PDCD1LG2: variants seen among roughly 807,000 people sequenced by gnomAD.
PDCD1LG2 encodes the protein B7 dendritic cell molecule.
A neutral mutation model predicts 28.2 loss-of-function variants in PDCD1LG2; 32 were observed. The ratio of observed to expected loss-of-function variants is 1.13; its 90% CI spans 0.86 to 1.52. PDCD1LG2 has a LOEUF of 1.52. Ranked by LOEUF, PDCD1LG2 falls within the 40% of genes most tolerant of loss-of-function variation. PDCD1LG2 has a pLI of 0.00. For synonymous variants in PDCD1LG2, 116 were observed against 120.2 expected, an observed-to-expected ratio of 0.97 and a Z score of 0.23; for missense variants, 385 against 323.8, an observed-to-expected ratio of 1.19 and a Z score of -1.45.
chr9:5,547,886 C>T (rs572448339), intron 3 of PDCD1LG2, among the ~76,000 whole-genome samples: 15 of 145,512 alleles, frequency 1.0e-4, no homozygotes, highest in Non-Finnish European at 1.2e-4. Flanking sequence ...TGCAGTGAGC[C>T]GAGATCACGC....
At position 5,516,704 on chromosome 9, in the gene PDCD1LG2, G is replaced by C. The variant is rs117287178; in HGVS notation, c.-14-5829G>C. Among the ~76,000 whole-genome samples, 1,278 of 152,322 alleles carry C rather than the reference G, an allele frequency of 8.4e-3. 10 individuals carry two copies. The highest frequency in any genetic ancestry group is 0.014 in the Non-Finnish European group (942 of 68,024). ...CAGCACCCAACATCTGGAAGAGGTC[G>C]AGGCAGCAGGGGGCTAGTGTGTCAG... On this transcript the variant is annotated intron_variant, in intron 1 of 6. Transcript: ENST00000397747.
Position 5,535,065 on chromosome 9 carries a change from G to A in PDCD1LG2, c.361+15G>A, listed in dbSNP as rs2129797049. 1 of 1,578,732 alleles carries A rather than the reference G, an allele frequency of 6.3e-7. No homozygotes were observed. Among genetic ancestry groups the A allele is most frequent in the Non-Finnish European group, 8.6e-7 (1 of 1,161,960 alleles). ...GAAAGTCAAAGGTGAGTGGTGTCAA[G>A]GACTAGAATCCATGGAAGCATCTCT... On this transcript the variant is annotated intron_variant, in intron 3 of 6. Coordinates refer to ENST00000397747, the MANE Select transcript of PDCD1LG2 (RefSeq NM_025239.4).
At chr9:5,551,187 G>C (rs572118509) in intron 4 of PDCD1LG2, among the ~76,000 whole-genome samples, 26 of 152,278 alleles carry the variant, frequency 1.7e-4, no homozygotes, top group African/African-American at 6.3e-4. Flanking sequence ...TTTGGGGAGA[G>C]CCATAATTTT....
chr9:5,525,717 G>C (rs540010994), intron 2 of PDCD1LG2, among the ~76,000 whole-genome samples: 207 of 152,084 alleles, frequency 1.4e-3, no homozygotes, highest in African/African-American at 4.9e-3. Context: ...TAAATATATT[G>C]CTTAAGCATA....
intron 1 of PDCD1LG2, among the ~76,000 whole-genome samples, chr9:5,520,481 AT>A (rs1273775763): frequency 6.6e-6 from 1 of 152,170 alleles, no homozygotes; most frequent in African/African-American, 2.4e-5. Context: ...AAGGCTCCAA[AT>A]TTGTTCTTTT....
intron 5 of PDCD1LG2, among the ~76,000 whole-genome samples, chr9:5,560,046 T>C (rs1200647859): frequency 6.6e-6 from 1 of 152,238 alleles, no homozygotes; most frequent in East Asian, 1.9e-4. Context: ...ATCAAGTCTT[T>C]CCTAATTCTA....
At chr9:5,553,508 G>A (rs914408460) in intron 4 of PDCD1LG2, among the ~76,000 whole-genome samples, 17 of 152,326 alleles carry the variant, frequency 1.1e-4, no homozygotes, top group African/African-American at 4.1e-4. Flanking sequence ...CAGGGAAACA[G>A]GGGCCTGTAT....
At chr9:5,522,706 G>A (rs1161363412) in intron 2 of PDCD1LG2, 105 bp downstream of exon 2, 19 of 948,380 alleles carry the variant, frequency 2.0e-5, no homozygotes, top group Non-Finnish European at 3.1e-5. Context: ...CTTTCTTTGA[G>A]AGGACGTATG....
At chr9:5,513,108 T>C (rs950765351) in intron 1 of PDCD1LG2, among the ~76,000 whole-genome samples, 3 of 152,218 alleles carry the variant, frequency 2.0e-5, no homozygotes, top group African/African-American at 7.2e-5. Flanking sequence ...TTTCAGATAC[T>C]CCTTTGGTAT....
At chr9:5,525,114 G>A (rs1047386969) in intron 2 of PDCD1LG2, among the ~76,000 whole-genome samples, 36 of 152,272 alleles carry the variant, frequency 2.4e-4, no homozygotes, top group African/African-American at 8.2e-4. Flanking sequence ...ATGGGAGGCC[G>A]AGGCGGGTGG....
chr9:5,542,700 G>A (rs963972791), intron 3 of PDCD1LG2, among the ~76,000 whole-genome samples: 3 of 152,164 alleles, frequency 2.0e-5, no homozygotes, highest in Non-Finnish European at 4.4e-5. Flanking sequence ...CATGGATGTG[G>A]TGAAAAGAAA....
At chr9:5,528,287 T>TATAC (rs1563823494) in intron 2 of PDCD1LG2, among the ~76,000 whole-genome samples, 1 of 147,388 alleles carries the variant, frequency 6.8e-6, no homozygotes, top group African/African-American at 2.5e-5. Flanking sequence ...TATATATATA[T>TATAC]ACACACACAC....
chr9:5,567,428 T>G (rs1354072551), intron 6 of PDCD1LG2, among the ~76,000 whole-genome samples: 1 of 152,252 alleles, frequency 6.6e-6, no homozygotes, highest in African/African-American at 2.4e-5. Context: ...GTGCTACTAT[T>G]TGGGCCTAGC....
At chr9:5,544,760 A>T (rs954120950) in intron 3 of PDCD1LG2, among the ~76,000 whole-genome samples, 2 of 152,188 alleles carry the variant, frequency 1.3e-5, no homozygotes. Context: ...ACTTGGAGAC[A>T]ATCTCCAAGT....
At chr9:5,531,350 A>T (rs924729337) in intron 2 of PDCD1LG2, among the ~76,000 whole-genome samples, 4 of 152,230 alleles carry the variant, frequency 2.6e-5, no homozygotes, top group African/African-American at 9.6e-5. Context: ...TGTATGGAGT[A>T]ATCAAGCTCA....
chr9:5,553,237 A>C (rs79744347), intron 4 of PDCD1LG2, among the ~76,000 whole-genome samples: 2,435 of 152,322 alleles, frequency 0.016, 65 homozygotes, highest in African/African-American at 0.055. Flanking sequence ...TTGGTCTTTC[A>C]ACATTCTCTA....
In PDCD1LG2 at chr9:5,525,787, G is replaced by A. The variant is rs192045558; in HGVS notation, c.55+3186G>A. 4.3e-3 allele frequency among the ~76,000 whole-genome samples: 649 copies of A among 152,158 alleles called. 6 individuals carry two copies. Among genetic ancestry groups the A allele is most frequent in the African/African-American group, 0.015 (621 of 41,520 alleles). ...GAAGAGGCCGGGCATGGTGGCTCAC[G>A]CCTGTAATCCCAGCACTTTGGGAGG... is the stretch of plus-strand genomic sequence containing the variant. On this transcript the variant is annotated intron_variant, in intron 2 of 6. Transcript: ENST00000397747.
chr9:5,544,807 C>T (rs1820760679), intron 3 of PDCD1LG2, among the ~76,000 whole-genome samples: 1 of 152,176 alleles, frequency 6.6e-6, no homozygotes, highest in South Asian at 2.1e-4. Context: ...AAGGATATAG[C>T]CAACCTAACT....
chr9:5,517,204 T>C (rs1247357282), intron 1 of PDCD1LG2, among the ~76,000 whole-genome samples: 1 of 152,196 alleles, frequency 6.6e-6, no homozygotes, highest in Non-Finnish European at 1.5e-5. Flanking sequence ...GTTGGAGTGC[T>C]CTTGCAATTT....
Sources: allele counts gnomAD v4.1 joint callset (sites outside exome capture counted in the v4.1 genomes callset), GRCh38; gene constraint gnomAD v4.1.1; transcripts MANE v1.5; gene names NCBI Gene and HGNC (gene_info 2026-07-23, HGNC 2026-07-21).